The following ZNF804A variants were observed in gnomAD, a reference collection of about 807,000 sequenced individuals.
ZNF804A encodes the protein zinc finger protein 804A.
ZNF804A carries 2 observed loss-of-function variants against 16.5 expected under a neutral mutation model. The ratio of observed to expected loss-of-function variants is 0.12; its 90% CI spans 0.05 to 0.38. ZNF804A has a LOEUF of 0.38. Ranked by LOEUF, ZNF804A falls within the 10% of genes least tolerant of loss-of-function variation. ZNF804A has a pLI of 0.99. For missense variants in ZNF804A, 1,473 were observed against 1,390.7 expected (o/e 1.06, Z -0.94); for synonymous variants, 534 against 489.6 (o/e 1.09, Z -1.20).
At chr2:184,827,388 A>G (rs1206914425) in intron 1 of ZNF804A, among the ~76,000 whole-genome samples, 1 of 148,328 alleles carries the variant, frequency 6.7e-6, no homozygotes, top group African/African-American at 2.5e-5. Flanking sequence ...AATAACACTC[A>G]TCCATTTAAT....
intron 1 of ZNF804A, among the ~76,000 whole-genome samples, chr2:184,720,780 A>T (rs1364682505): frequency 1.3e-5 from 2 of 152,194 alleles, no homozygotes; most frequent in East Asian, 3.9e-4. Flanking sequence ...TATGGTATCA[A>T]AAAGACCTCA....
intron 2 of ZNF804A, among the ~76,000 whole-genome samples, chr2:184,890,081 AAGATAAC>A (rs1432438831): frequency 6.6e-6 from 1 of 152,108 alleles, no homozygotes; most frequent in Non-Finnish European, 1.5e-5. Context: ...GGGATAACCA[AAGATAAC>A]AGTCAGATCA....
rs1255372158 is a variant in ZNF804A at position 184,604,332 on chromosome 2, G to A, written c.111+5262G>A. On this transcript the variant is annotated intron_variant, in intron 1 of 3. Transcript: ENST00000302277. ...ACTACAGGTGCCCGCCATCGCGCCC[G>A]GCTAATTTTTTTTTGTATTTTTAGT... Among the ~76,000 whole-genome samples the A allele has an allele frequency of 2.6e-5, 4 of 151,356 alleles. No individual in the cohort carries two copies. The East Asian group carries it at 7.8e-4, about 29-fold the overall frequency.
In ZNF804A at chr2:184,735,218, A is replaced by T. The variant is rs1053875848; in HGVS notation, c.112-131151A>T. On this transcript the variant is annotated intron_variant, in intron 1 of 3. Transcript: ENST00000302277. Reference sequence around the variant, plus strand: ...CTTGGTTTTTTTTCAGTTTATTTTTAAAAATAATTCTTTCCTTTTCTTTCT... The same window carrying T: ...CTTGGTTTTTTTTCAGTTTATTTTTTAAAATAATTCTTTCCTTTTCTTTCT... Among the ~76,000 whole-genome samples the T allele has an allele frequency of 2.6e-5, 4 of 152,210 alleles. No individual in the cohort carries two copies. The South Asian group carries it at 6.2e-4, about 24-fold the overall frequency.
intron 2 of ZNF804A, among the ~76,000 whole-genome samples, chr2:184,885,076 T>A (rs1684866243): frequency 6.6e-6 from 1 of 151,986 alleles, no homozygotes; most frequent in Non-Finnish European, 1.5e-5. Flanking sequence ...GATATACACA[T>A]GGCCACCAAG....
At chr2:184,865,323 C>T (rs554875568) in intron 1 of ZNF804A, among the ~76,000 whole-genome samples, 51 of 151,946 alleles carry the variant, frequency 3.4e-4, no homozygotes, top group African/African-American at 1.2e-3. Context: ...TTCACTTATT[C>T]AGTGAAAGAA....
chr2:184,603,624 T>C (rs1353448702), intron 1 of ZNF804A, among the ~76,000 whole-genome samples: 1 of 152,192 alleles, frequency 6.6e-6, no homozygotes, highest in African/African-American at 2.4e-5. Context: ...AAGAGATCAA[T>C]TGGTGAATTG....
intron 1 of ZNF804A, among the ~76,000 whole-genome samples, chr2:184,765,434 AC>A (rs1365690685): frequency 6.6e-6 from 1 of 152,066 alleles, no homozygotes; most frequent in African/African-American, 2.4e-5. Flanking sequence ...GTAGTTAAAG[AC>A]CCACCCCTGA....
At chr2:184,738,141 A>AT (rs1302963449) in intron 1 of ZNF804A, among the ~76,000 whole-genome samples, 1 of 151,736 alleles carries the variant, frequency 6.6e-6, no homozygotes, top group African/African-American at 2.4e-5. Flanking sequence ...AAAAAAAAAA[A>AT]GAAAATATCA....
intron 1 of ZNF804A, among the ~76,000 whole-genome samples, chr2:184,613,308 C>T (rs190835804): frequency 3.1e-4 from 47 of 152,328 alleles, no homozygotes; most frequent in African/African-American, 9.6e-4. Flanking sequence ...CTCTTGCTCT[C>T]GCTGTCTCAC....
chr2:184,650,943 C>CTAAAA (rs1362494861), intron 1 of ZNF804A, among the ~76,000 whole-genome samples: 14 of 151,970 alleles, frequency 9.2e-5, no homozygotes, highest in Non-Finnish European at 2.9e-5. Flanking sequence ...AAAATATATT[C>CTAAAA]TAAAATGTGT....
At chr2:184,857,956 G>A (rs1695728692) in intron 1 of ZNF804A, among the ~76,000 whole-genome samples, 1 of 152,020 alleles carries the variant, frequency 6.6e-6, no homozygotes, top group African/African-American at 2.4e-5. Context: ...TATATTCAAG[G>A]TAATTATTGA....
Position 184,685,133 on chromosome 2 carries a change from C to T in ZNF804A, c.111+86063C>T, listed in dbSNP as rs145439229. Among the ~76,000 whole-genome samples the T allele has an allele frequency of 2.0e-3, 311 of 152,148 alleles. 1 individual carries two copies. The highest frequency in any genetic ancestry group is 0.014 in the Middle Eastern group (4 of 294). ...TCTAGCCACTGCACACAGCCAGGCA[C>T]GCTGGCTGCTATGTGGGGGCAGGCA... is the stretch of plus-strand genomic sequence containing the variant. On this transcript the variant is annotated intron_variant, in intron 1 of 3. Transcript: ENST00000302277.
At chr2:184,741,762 C>A (rs1375687665) in intron 1 of ZNF804A, among the ~76,000 whole-genome samples, 2 of 151,948 alleles carry the variant, frequency 1.3e-5, no homozygotes, top group Admixed American at 1.3e-4. Context: ...TTGATGCTAC[C>A]CATTCTTTTA....
chr2:184,813,325 CAATATGAGAAAACTGTT>C (rs1238048354), intron 1 of ZNF804A, among the ~76,000 whole-genome samples: 1 of 151,768 alleles, frequency 6.6e-6, no homozygotes, highest in Non-Finnish European at 1.5e-5. Context: ...TGAAGATAAC[CAATATGAGAAAACTGTT>C]AAAATTGTCA....
At chr2:184,844,253 A>C (rs936077967) in intron 1 of ZNF804A, among the ~76,000 whole-genome samples, 1 of 151,698 alleles carries the variant, frequency 6.6e-6, no homozygotes, top group Non-Finnish European at 1.5e-5. Flanking sequence ...CATTTTCAGT[A>C]TTATTGCTTA....
At chr2:184,630,948 T>C (rs1177415177) in intron 1 of ZNF804A, among the ~76,000 whole-genome samples, 2 of 152,140 alleles carry the variant, frequency 1.3e-5, no homozygotes, top group Non-Finnish European at 2.9e-5. Flanking sequence ...TCTTCAGAGA[T>C]TGGATTTAAT....
At chr2:184,832,846 G>T (rs1413118816) in intron 1 of ZNF804A, among the ~76,000 whole-genome samples, 1 of 151,794 alleles carries the variant, frequency 6.6e-6, no homozygotes, top group Non-Finnish European at 1.5e-5. Flanking sequence ...TCTATATTTA[G>T]TTGTTGCTTC....
At chr2:184,726,650 G>T (rs1280943346) in intron 1 of ZNF804A, among the ~76,000 whole-genome samples, 1 of 151,408 alleles carries the variant, frequency 6.6e-6, no homozygotes, top group Non-Finnish European at 1.5e-5. Flanking sequence ...AGTCAAACTA[G>T]CCAGTAATTG....
Sources: allele counts gnomAD v4.1 joint callset (sites outside exome capture counted in the v4.1 genomes callset), GRCh38; gene constraint gnomAD v4.1.1; transcripts MANE v1.5; gene names NCBI Gene and HGNC (gene_info 2026-07-23, HGNC 2026-07-21).